ATF2: variants seen among roughly 807,000 people sequenced by gnomAD.
ATF2 encodes the protein cyclic AMP-dependent transcription factor ATF-2.
ATF2 carries 24 observed loss-of-function variants against 60.6 expected under a neutral mutation model. That is an observed-to-expected ratio of 0.40 (90% CI 0.29 to 0.56). The LOEUF is 0.56. Ranked by LOEUF, ATF2 falls within the 20% of genes least tolerant of loss-of-function variation. The pLI is 0.54. For missense variants in ATF2, 433 were observed against 607.7 expected, an observed-to-expected ratio of 0.71 and a Z score of 3.02; for synonymous variants, 206 against 215.4, an observed-to-expected ratio of 0.96 and a Z score of 0.38.
chr2:175,142,508 A>G (rs549277280), intron 2 of ATF2, among the ~76,000 whole-genome samples: 1 of 152,254 alleles, frequency 6.6e-6, no homozygotes, highest in South Asian at 2.1e-4. Context: ...ACAAACATGT[A>G]TATGTTCCTC....
intron 4 of ATF2, among the ~76,000 whole-genome samples, chr2:175,127,771 T>C (rs1357595324): frequency 6.6e-6 from 1 of 152,188 alleles, no homozygotes; most frequent in Admixed American, 6.5e-5. Flanking sequence ...TTTGTTCAAA[T>C]GTCACCTTAG....
intron 12 of ATF2, among the ~76,000 whole-genome samples, chr2:175,084,326 T>A (rs147510444): frequency 1.0e-3 from 154 of 152,064 alleles, no homozygotes; most frequent in African/African-American, 3.5e-3. Flanking sequence ...AAAAATGATG[T>A]GTTCATGTCC....
chr2:175,075,196 C>T (rs1349372419), intron 13 of ATF2: 1 of 568,734 alleles, frequency 1.8e-6, no homozygotes, highest in African/African-American at 2.0e-5. Context: ...GGTTGGCCTA[C>T]ATGTCATTCT....
intron 9 of ATF2, among the ~76,000 whole-genome samples, chr2:175,113,456 T>G (rs1187041650): frequency 6.6e-6 from 1 of 152,098 alleles, no homozygotes; most frequent in African/African-American, 2.4e-5. Flanking sequence ...TAGTTAACTA[T>G]TTTGTCTACG....
At chr2:175,085,352 T>C (rs1399016225) in intron 12 of ATF2, among the ~76,000 whole-genome samples, 4 of 151,852 alleles carry the variant, frequency 2.6e-5, no homozygotes, top group African/African-American at 9.7e-5. Flanking sequence ...CTGGCCAACG[T>C]GGTGAAACCC....
chr2:175,113,759 T>G (rs1389363882), intron 9 of ATF2, among the ~76,000 whole-genome samples: 6 of 151,966 alleles, frequency 3.9e-5, no homozygotes, highest in African/African-American at 1.4e-4. Context: ...CAAATTGATA[T>G]GGGTTGAATA....
intron 12 of ATF2, among the ~76,000 whole-genome samples, chr2:175,082,594 T>C (rs1288676723): frequency 6.6e-6 from 1 of 152,194 alleles, no homozygotes; most frequent in Non-Finnish European, 1.5e-5. Flanking sequence ...CTCAAGAATA[T>C]ACAATCTTTT....
chr2:175,082,050 T>C (rs1355711466), intron 12 of ATF2, among the ~76,000 whole-genome samples: 1 of 152,120 alleles, frequency 6.6e-6, no homozygotes, highest in Non-Finnish European at 1.5e-5. Flanking sequence ...AGAGTGAGAC[T>C]CCGTCTCAAA....
intron 2 of ATF2, among the ~76,000 whole-genome samples, chr2:175,144,878 C>T (rs906329784): frequency 6.6e-6 from 1 of 152,190 alleles, no homozygotes; most frequent in African/African-American, 2.4e-5. Flanking sequence ...AAGACATCTA[C>T]TTGATGGAGA....
intron 9 of ATF2, among the ~76,000 whole-genome samples, 199 bp downstream of exon 9, chr2:175,113,795 T>A (rs1376567851): frequency 1.3e-5 from 2 of 151,468 alleles, no homozygotes; most frequent in Non-Finnish European, 2.9e-5. Context: ...AAAAAAAAAA[T>A]TAAGGTTTTG....
intron 10 of ATF2, among the ~76,000 whole-genome samples, chr2:175,106,878 T>C (rs1002312154): frequency 1.3e-5 from 2 of 151,978 alleles, no homozygotes; most frequent in Non-Finnish European, 2.9e-5. Flanking sequence ...ATAAAAACAA[T>C]TGGCCCGGTG....
At chr2:175,114,351 G>A in intron 8 of ATF2, 2 of 1,258,994 alleles carry the variant, frequency 1.6e-6, no homozygotes, top group Non-Finnish European at 2.0e-6. Context: ...TTTGTAAAAT[G>A]AGAAAAACTG....
At chr2:175,081,072 T>C (rs1693725338) in intron 12 of ATF2, among the ~76,000 whole-genome samples, 1 of 152,164 alleles carries the variant, frequency 6.6e-6, no homozygotes, top group South Asian at 2.1e-4. Flanking sequence ...TTTTATTTTA[T>C]ATATGTTGCA....
At chr2:175,108,986 G>A (rs1695971265) in intron 10 of ATF2, among the ~76,000 whole-genome samples, 1 of 151,924 alleles carries the variant, frequency 6.6e-6, no homozygotes, top group Admixed American at 6.5e-5. Flanking sequence ...TGCTCGTTAA[G>A]AGTCATCACC....
Position 175,094,261 on chromosome 2 carries a change from GTGCA to G in ATF2, c.979-998_979-995del, listed in dbSNP as rs368487003. Among the ~76,000 whole-genome samples the G allele has an allele frequency of 5.9e-4, 89 of 152,030 alleles. No homozygotes were observed. The East Asian group carries it at 0.012, about 21-fold the overall frequency. On this transcript the variant is annotated intron_variant, in intron 11 of 13. Coordinates refer to ENST00000264110, the MANE Select transcript of ATF2 (RefSeq NM_001880.4). ...ACAAAAAAATTAGCTGAGCGTGGTGGTGCATGCCTATAATCCTAGATAATTGGGA... is the reference window on the plus strand; with the variant it reads ...ACAAAAAAATTAGCTGAGCGTGGTGGTGCCTATAATCCTAGATAATTGGGA...
At chr2:175,077,992 T>C (rs564060479) in intron 13 of ATF2, among the ~76,000 whole-genome samples, 3 of 152,276 alleles carry the variant, frequency 2.0e-5, no homozygotes, top group African/African-American at 7.2e-5. Context: ...TTATTTGAGA[T>C]AGGGTCTCCC....
rs1045190606 is a variant in ATF2 at position 175,145,146 on chromosome 2, T to C, written c.-44+5914A>G. Among the ~76,000 whole-genome samples the C allele has an allele frequency of 2.0e-5, 3 of 152,298 alleles. No homozygotes were observed. In the South Asian group the frequency reaches 6.2e-4, roughly 32 times the overall value. On this transcript the variant is annotated intron_variant, in intron 2 of 13. Transcript: ENST00000264110. ...ACGCATATGTGGTCATGTAGGTCCC[T>C]AGCTGTGTCCACTGAGAGGGCCTGG...
chr2:175,093,070 AC>A lies in ATF2; in HGVS notation c.1175del (p.Gly392ValfsTer10). 1 of 1,614,098 alleles carries A rather than the reference AC, an allele frequency of 6.2e-7. No homozygotes were observed. Among genetic ancestry groups the A allele is most frequent in the Non-Finnish European group, 8.5e-7 (1 of 1,179,994 alleles). ...KKAEDLSSLN[G>X]QLQSEVTLLR... ...CATATATGCACCATACCTGCAGCTGACCATTTAATGAACTCAAGTCTTCAGC... is the reference window on the plus strand; with the variant it reads ...CATATATGCACCATACCTGCAGCTGACATTTAATGAACTCAAGTCTTCAGC... On this transcript the variant is annotated frameshift_variant, in exon 12 of 14. Transcript: ENST00000264110. LOFTEE classifies it high-confidence loss of function.
In ATF2 at chr2:175,119,098, T is replaced by C. The variant is rs549833120; in HGVS notation, c.200-729A>G. Among the ~76,000 whole-genome samples, 18 of 151,834 alleles carry C rather than the reference T, an allele frequency of 1.2e-4. No individual in the cohort carries two copies. In the South Asian group the frequency reaches 3.7e-3, roughly 31 times the overall value. ...ACTTTACTCGAATATGTACTCCTAC[T>C]ATGTACATTAACATAGGTACTCAGT... On this transcript the variant is annotated intron_variant, in intron 5 of 13. Transcript: ENST00000264110.
Sources: gnomAD v4.1 joint callset for allele counts (sites outside exome capture counted in the v4.1 genomes callset) on GRCh38, gnomAD v4.1.1 for gene constraint, MANE v1.5 for transcripts, NCBI Gene and HGNC (gene_info 2026-07-23, HGNC 2026-07-21) for gene names.